Variants in BCAS3 observed in about 807,000 individuals in gnomAD.
BCAS3 encodes the protein BCAS3 microtubule associated cell migration factor.
A neutral mutation model predicts 116.1 loss-of-function variants in BCAS3; 53 were observed. The ratio of observed to expected loss-of-function variants is 0.46; its 90% CI spans 0.37 to 0.57. The LOEUF (loss-of-function observed/expected upper bound fraction) is 0.57. Among genes scored for constraint, BCAS3 ranks in the 20% least tolerant of loss-of-function variants. The pLI, the probability that BCAS3 is intolerant of heterozygous loss-of-function variation, is 0.00. For missense variants in BCAS3, 917 were observed against 1,165.4 expected, an observed-to-expected ratio of 0.79 and a Z score of 3.10; for synonymous variants, 391 against 408.2, an observed-to-expected ratio of 0.96 and a Z score of 0.51.
chr17:61,117,086 C>T (rs1369448482), intron 22 of BCAS3, among the ~76,000 whole-genome samples: 1 of 152,112 alleles, frequency 6.6e-6, no homozygotes, highest in Non-Finnish European at 1.5e-5. Flanking sequence ...TTTGCCAACC[C>T]ACACCCTTTC....
In BCAS3 at chr17:60,960,227, A is replaced by T. The variant is rs1183719493; in HGVS notation, c.1221+12875A>T. ...CCTACCAACATCCCCAAAAGTCACA[A>T]CCCATTCATTACAGCATCAACTCTA... On this transcript the variant is annotated intron_variant, in intron 14 of 23. Coordinates refer to ENST00000407086, the MANE Select transcript of BCAS3 (RefSeq NM_017679.5). This position sits in a 1 kb window ranked among gnomAD's most constrained non-coding sequence, Gnocchi z 4.1. Among the ~76,000 whole-genome samples the T allele has an allele frequency of 1.3e-5, 2 of 152,036 alleles. No homozygotes were observed. Among genetic ancestry groups the T allele is most frequent in the Non-Finnish European group, 2.9e-5 (2 of 68,008 alleles).
chr17:61,374,355 G>C lies in BCAS3; in HGVS notation c.2593+5861G>C, dbSNP rs377252497. On this transcript the variant is annotated intron_variant, in intron 23 of 23. Transcript: ENST00000407086. Reference sequence around the variant, plus strand: ...TCGGCTAATTTTTGTATTTTTAGTAGAGACAGGGTTTCACCATGTTGGCCA... The same window carrying C: ...TCGGCTAATTTTTGTATTTTTAGTACAGACAGGGTTTCACCATGTTGGCCA... Among the ~76,000 whole-genome samples the C allele has an allele frequency of 2.4e-4, 37 of 151,540 alleles. No homozygotes were observed. In the South Asian group the frequency reaches 2.7e-3, roughly 11 times the overall value.
chr17:61,341,116 C>T (rs972281206), intron 22 of BCAS3, among the ~76,000 whole-genome samples: 1 of 152,048 alleles, frequency 6.6e-6, no homozygotes, highest in African/African-American at 2.4e-5. Context: ...AAGCTGGAAT[C>T]GTTAAGGAAT....
In BCAS3 at chr17:61,132,524, G is replaced by C. The variant is rs1366511067; in HGVS notation, c.2425+47960G>C. The stretch of plus-strand genomic sequence containing the variant: ...AGATTCCCTAACATTGGAATAAATG[G>C]TAAGAATATAGATTGTTTGTGCCGG... On this transcript the variant is annotated intron_variant, in intron 22 of 23. Coordinates refer to ENST00000407086, the MANE Select transcript of BCAS3 (RefSeq NM_017679.5). The surrounding 1 kb of genome is among the most constrained non-coding windows in gnomAD (Gnocchi z 5.1). 6.6e-6 allele frequency among the ~76,000 whole-genome samples: 1 copy of C among 152,160 alleles called. No homozygotes were observed. Among genetic ancestry groups the C allele is most frequent in the African/African-American group, 2.4e-5 (1 of 41,430 alleles).
intron 14 of BCAS3, among the ~76,000 whole-genome samples, chr17:60,955,397 T>C (rs2061074167): frequency 1.3e-5 from 2 of 149,426 alleles, no homozygotes; most frequent in South Asian, 4.2e-4. Context: ...TTTTTTTTTT[T>C]TTTTTTTTGA....
intron 13 of BCAS3, among the ~76,000 whole-genome samples, chr17:60,927,351 G>A (rs1419036662): frequency 6.6e-6 from 1 of 151,940 alleles, no homozygotes; most frequent in Non-Finnish European, 1.5e-5. Flanking sequence ...CGCCTCCCAG[G>A]TTCAAGCGAT....
intron 22 of BCAS3, among the ~76,000 whole-genome samples, chr17:61,121,765 G>A (rs897324585): frequency 2.0e-5 from 3 of 152,094 alleles, no homozygotes; most frequent in African/African-American, 4.8e-5. Context: ...GAGTCTTGCC[G>A]TGTCACCCAG....
chr17:60,767,132 C>T (rs975573415), intron 6 of BCAS3, among the ~76,000 whole-genome samples: 3 of 152,260 alleles, frequency 2.0e-5, no homozygotes, highest in South Asian at 4.1e-4. Flanking sequence ...GGAAAAATCC[C>T]CCGACCCTTT....
chr17:60,799,575 C>T (rs2047547422), intron 6 of BCAS3, among the ~76,000 whole-genome samples: 1 of 134,752 alleles, frequency 7.4e-6, no homozygotes, highest in Admixed American at 8.0e-5. Flanking sequence ...GTCACCCAGG[C>T]TGGAGTGCAG....
rs898777605 is a variant in BCAS3 at position 61,248,446 on chromosome 17, C to T, written c.2426-119881C>T. On this transcript the variant is annotated intron_variant, in intron 22 of 23. Transcript: ENST00000407086. This position sits in a 1 kb window ranked among gnomAD's most constrained non-coding sequence, Gnocchi z 4.3. ...TTCTCAGGTCTTTCAAAGAAAACAACTCGTAAAGATACTGGCAGTTGAAGG... is the reference window on the plus strand; with the variant it reads ...TTCTCAGGTCTTTCAAAGAAAACAATTCGTAAAGATACTGGCAGTTGAAGG... Among the ~76,000 whole-genome samples, 17 of 152,194 alleles carry T rather than the reference C, an allele frequency of 1.1e-4. No homozygotes were observed. The highest frequency in any genetic ancestry group is 3.6e-4 in the African/African-American group (15 of 41,436).
At chr17:60,739,868 G>GT (rs1203592870) in intron 5 of BCAS3, among the ~76,000 whole-genome samples, 1,766 of 146,444 alleles carry the variant, frequency 0.012, 32 homozygotes, top group African/African-American at 0.042. Context: ...AGAGGTTGCT[G>GT]TTTTTTTTGT....
chr17:61,265,692 C>G lies in BCAS3; in HGVS notation c.2426-102635C>G, dbSNP rs1370855714. On this transcript the variant is annotated intron_variant, in intron 22 of 23. Coordinates refer to ENST00000407086, the MANE Select transcript of BCAS3 (RefSeq NM_017679.5). The surrounding 1 kb of genome is among the most constrained non-coding windows in gnomAD (Gnocchi z 4.3). The stretch of plus-strand genomic sequence containing the variant: ...GATTTAACTATGTAACACCATCATT[C>G]TTTTTTCCCCCCCATCAAGTAGTAT... Among the ~76,000 whole-genome samples the G allele has an allele frequency of 1.2e-5, 1 of 80,648 alleles. No homozygotes were observed. The highest frequency in any genetic ancestry group is 1.4e-4 in the Admixed American group (1 of 7,320). The allele number at this position is 80,648 out of a possible 152,430, so 52.9% of individuals were successfully genotyped here. A position where few individuals can be genotyped will look rare whatever the true frequency, so the allele number is the denominator to read the frequency against.
At chr17:60,959,435 TA>T (rs1415567060) in intron 14 of BCAS3, among the ~76,000 whole-genome samples, 1 of 152,176 alleles carries the variant, frequency 6.6e-6, no homozygotes, top group African/African-American at 2.4e-5. Context: ...ACAAAACCAT[TA>T]AGAGAATGAA....
rs10565257 is a variant in BCAS3, at chr17:61,083,349, GTATTT to G, written c.2328-1114_2328-1110del. ...ATGTCATATATATACACATTGGTCTGTATTTTATGTTTTGTTTCTGCTTGTTCTCA... is the reference window on the plus strand; with the variant it reads ...ATGTCATATATATACACATTGGTCTGTATGTTTTGTTTCTGCTTGTTCTCA... On this transcript the variant is annotated intron_variant, in intron 21 of 23. Transcript: ENST00000407086. This position sits in a 1 kb window ranked among gnomAD's most constrained non-coding sequence, Gnocchi z 4.9. Among the ~76,000 whole-genome samples the G allele has an allele frequency of 0.14, 21,325 of 151,830 alleles. 4,660 individuals are homozygous for G. The highest frequency in any genetic ancestry group is 0.47 in the African/African-American group (19,409 of 41,200).
intron 5 of BCAS3, chr17:60,727,044 A>G (rs1217788289): frequency 2.0e-5 from 5 of 255,252 alleles, no homozygotes; most frequent in Non-Finnish European, 1.5e-5. Context: ...TAAAAAACAG[A>G]CTTTAAAAAA....
At chr17:60,919,793 G>T (rs1455914322) in intron 12 of BCAS3, among the ~76,000 whole-genome samples, 1 of 151,992 alleles carries the variant, frequency 6.6e-6, no homozygotes, top group Non-Finnish European at 1.5e-5. Context: ...TATTTTACTG[G>T]AATTTAATCA....
intron 7 of BCAS3, chr17:60,851,791 A>G: frequency 1.7e-6 from 2 of 1,188,474 alleles, no homozygotes; most frequent in Non-Finnish European, 1.2e-6. Context: ...CCCTTCTTGT[A>G]CAATCCAGAG....
At position 61,376,340 on chromosome 17, in the gene BCAS3, G is replaced by A. The variant is rs2143582883; in HGVS notation, c.2593+7846G>A. Among the ~76,000 whole-genome samples, 1 of 152,204 alleles carries A rather than the reference G, an allele frequency of 6.6e-6. No homozygotes were observed. Among genetic ancestry groups the A allele is most frequent in the South Asian group, 2.1e-4 (1 of 4,814 alleles). On this transcript the variant is annotated intron_variant, in intron 23 of 23. Coordinates refer to ENST00000407086, the MANE Select transcript of BCAS3 (RefSeq NM_017679.5). This position sits in a 1 kb window ranked among gnomAD's most constrained non-coding sequence, Gnocchi z 4.5. ...ATGCTGCCTTCACAGGGCCATCGTG[G>A]CTCATAGCCCCATAGGTCACATTCC...
At chr17:61,230,682 A>G (rs750523988) in intron 22 of BCAS3, among the ~76,000 whole-genome samples, 36 of 152,050 alleles carry the variant, frequency 2.4e-4, no homozygotes, top group Admixed American at 1.2e-3. Context: ...GCTCTATCCA[A>G]TCTGCTCGTA....
Sources: gnomAD v4.1 joint callset for allele counts (sites outside exome capture counted in the v4.1 genomes callset) on GRCh38, gnomAD v4.1.1 for gene constraint, Gnocchi (gnomAD v3.1) non-coding constraint, MANE v1.5 for transcripts, NCBI Gene and HGNC (gene_info 2026-07-23, HGNC 2026-07-21) for gene names.